Variants in CSMD2 observed in about 807,000 individuals in gnomAD.
CSMD2 encodes the protein CUB and Sushi multiple domains 2.
Under a neutral mutation model 398.5 loss-of-function variants are expected in CSMD2, and 130 were observed. That is an observed-to-expected ratio of 0.33 (90% CI 0.28 to 0.38). The LOEUF (loss-of-function observed/expected upper bound fraction) is 0.38, where lower values mean the gene tolerates loss of function less well. Ranked by LOEUF, CSMD2 falls within the 10% of genes least tolerant of loss-of-function variation. The pLI is 1.00. For synonymous variants in CSMD2, 1,828 were observed against 1,908.5 expected (o/e 0.96, Z 1.10); for missense variants, 3,829 against 4,764.9 (o/e 0.80, Z 5.78).
chr1:34,126,766 C>T (rs569795707), intron 1 of CSMD2, among the ~76,000 whole-genome samples: 12 of 148,242 alleles, frequency 8.1e-5, no homozygotes, highest in African/African-American at 2.7e-4. Flanking sequence ...AGGAAGGAAA[C>T]GGAGGCAAGG....
chr1:33,652,813 A>G (rs913809924), intron 27 of CSMD2, among the ~76,000 whole-genome samples: 2 of 152,180 alleles, frequency 1.3e-5, no homozygotes, highest in Non-Finnish European at 2.9e-5. Flanking sequence ...GGATTGCAGT[A>G]GCGCGATCTC....
chr1:33,939,766 A>C (rs1289412769), intron 3 of CSMD2, among the ~76,000 whole-genome samples: 1 of 151,872 alleles, frequency 6.6e-6, no homozygotes, highest in Admixed American at 6.6e-5. Flanking sequence ...TTCCAACCCC[A>C]CCTGCTTTTT....
chr1:33,747,699 A>T (rs1377669789), intron 13 of CSMD2, among the ~76,000 whole-genome samples: 2 of 152,220 alleles, frequency 1.3e-5, no homozygotes, highest in African/African-American at 4.8e-5. Flanking sequence ...TCTTTGGGAC[A>T]AAACACACAG....
chr1:33,790,624 C>G (rs1406123113), intron 11 of CSMD2, among the ~76,000 whole-genome samples: 4 of 152,066 alleles, frequency 2.6e-5, no homozygotes, highest in Non-Finnish European at 5.9e-5. Flanking sequence ...TGAGACAATT[C>G]TTTACAACAA....
chr1:33,624,263 G>A lies in CSMD2; in HGVS notation c.5625+256C>T, dbSNP rs537782366. ...TCAATGCCCACCTCTCCTCCTTCCTGGGTTACCCGACTCCCACCGCATGTC... is the reference window on the plus strand; with the variant it reads ...TCAATGCCCACCTCTCCTCCTTCCTAGGTTACCCGACTCCCACCGCATGTC... On this transcript the variant is annotated intron_variant, in intron 35 of 70. Transcript: ENST00000373381. This position sits in a 1 kb window ranked among gnomAD's most constrained non-coding sequence, Gnocchi z 4.7. 1.3e-5 allele frequency among the ~76,000 whole-genome samples: 2 copies of A among 152,214 alleles called. No homozygotes were observed. Among genetic ancestry groups the A allele is most frequent in the East Asian group, 3.9e-4 (2 of 5,168 alleles).
At position 34,164,966 on chromosome 1, in the gene CSMD2, C is replaced by G; in HGVS notation, c.132G>C (p.Pro44=). ...SRWGRPPPPT[P]PPLLLLLGCG... ...AGCCCAGCAACAGCAGCAGAGGCGG[C>G]GGCGTTGGCGGCGGCGGGCGGCCCC... The change falls in exon 1 of 71, where the codon CCG becomes CCC. Residue 44 remains proline (P), a synonymous_variant. Coordinates refer to ENST00000373381, the MANE Select transcript of CSMD2 (RefSeq NM_001281956.2). The surrounding 1 kb of genome is among the most constrained non-coding windows in gnomAD (Gnocchi z 6.2). 1 of 1,215,826 alleles carries G rather than the reference C, an allele frequency of 8.2e-7. No individual in the cohort carries two copies. Among genetic ancestry groups the G allele is most frequent in the Non-Finnish European group, 1.0e-6 (1 of 977,928 alleles). The allele number at this position is 1,215,826 out of a possible 1,614,324, so 75.3% of individuals were successfully genotyped here.
intron 5 of CSMD2, among the ~76,000 whole-genome samples, chr1:33,916,381 C>T (rs756710927): frequency 5.3e-5 from 8 of 152,170 alleles, no homozygotes; most frequent in Non-Finnish European, 7.3e-5. Flanking sequence ...AGTCAGTAAA[C>T]AGGTATTTTA....
chr1:33,537,893 C>T lies in CSMD2; in HGVS notation c.9632-284G>A, dbSNP rs929474959. Among the ~76,000 whole-genome samples, 2 of 152,260 alleles carry T rather than the reference C, an allele frequency of 1.3e-5. No individual in the cohort carries two copies. The highest frequency in any genetic ancestry group is 2.9e-5 in the Non-Finnish European group (2 of 68,040). Reference sequence around the variant, plus strand: ...GAAAGAGAAATAAACGAAAATCCCACTATTCAAAACTTTTTTTCCATTTTC... The same window carrying T: ...GAAAGAGAAATAAACGAAAATCCCATTATTCAAAACTTTTTTTCCATTTTC... On this transcript the variant is annotated intron_variant, in intron 60 of 70. Coordinates refer to ENST00000373381, the MANE Select transcript of CSMD2 (RefSeq NM_001281956.2). The surrounding 1 kb of genome is among the most constrained non-coding windows in gnomAD (Gnocchi z 4.6).
At chr1:33,724,905 T>G (rs1439087515) in intron 17 of CSMD2, among the ~76,000 whole-genome samples, 1 of 152,236 alleles carries the variant, frequency 6.6e-6, no homozygotes, top group Non-Finnish European at 1.5e-5. Context: ...AAAATGACCT[T>G]GTCCTCATGG....
intron 44 of CSMD2, chr1:33,591,928 A>C (rs1287871264): frequency 5.9e-6 from 1 of 169,664 alleles, no homozygotes. Context: ...CTAATCTCTT[A>C]CTATTTTTAC....
chr1:33,576,449 G>C (rs1008451393), intron 49 of CSMD2, among the ~76,000 whole-genome samples: 1 of 152,144 alleles, frequency 6.6e-6, no homozygotes, highest in Non-Finnish European at 1.5e-5. Flanking sequence ...AAATTAGCCA[G>C]GCATGGTGGC....
At chr1:33,963,478 T>C (rs1191856276) in intron 3 of CSMD2, among the ~76,000 whole-genome samples, 1 of 152,220 alleles carries the variant, frequency 6.6e-6, no homozygotes, top group East Asian at 1.9e-4. Context: ...ATACTCCTCT[T>C]AAACCATCAC....
intron 23 of CSMD2, 120 bp from the exon 24 acceptor site, chr1:33,699,064 G>C (rs1645519913): frequency 1.5e-5 from 11 of 739,718 alleles, no homozygotes; most frequent in Non-Finnish European, 1.9e-5. Flanking sequence ...CCTGGGTTCT[G>C]ATGGATTCAC....
intron 5 of CSMD2, among the ~76,000 whole-genome samples, chr1:33,917,739 A>G (rs775396094): frequency 2.0e-5 from 3 of 152,204 alleles, no homozygotes; most frequent in Non-Finnish European, 2.9e-5. Flanking sequence ...GATGCTATGC[A>G]TATGTCTTCC....
At chr1:33,887,917 C>G (rs1395431172) in intron 5 of CSMD2, among the ~76,000 whole-genome samples, 1 of 151,988 alleles carries the variant, frequency 6.6e-6, no homozygotes, top group Non-Finnish European at 1.5e-5. Flanking sequence ...AGTAAGATGG[C>G]TGGTTACAGA....
intron 47 of CSMD2, among the ~76,000 whole-genome samples, chr1:33,582,980 C>T (rs538024078): frequency 1.1e-4 from 16 of 152,302 alleles, no homozygotes; most frequent in African/African-American, 3.9e-4. Context: ...TGGTTTCCCC[C>T]AGAGCTATGT....
At chr1:33,593,916 G>T (rs1175273514) in intron 44 of CSMD2, among the ~76,000 whole-genome samples, 1 of 152,044 alleles carries the variant, frequency 6.6e-6, no homozygotes, top group Non-Finnish European at 1.5e-5. Flanking sequence ...AGTGACTAAA[G>T]TATATGTTCA....
At chr1:34,161,274 T>C (rs1641304886) in intron 1 of CSMD2, among the ~76,000 whole-genome samples, 1 of 152,204 alleles carries the variant, frequency 6.6e-6, no homozygotes, top group Non-Finnish European at 1.5e-5. Context: ...ATGGGTTACC[T>C]AGACCCAGAA....
intron 41 of CSMD2, among the ~76,000 whole-genome samples, chr1:33,610,129 T>C (rs1640895692): frequency 1.3e-5 from 2 of 152,116 alleles, no homozygotes; most frequent in South Asian, 4.1e-4. Flanking sequence ...CTGTGAGAAA[T>C]AAATTTCTGC....
Sources: allele counts gnomAD v4.1 joint callset (sites outside exome capture counted in the v4.1 genomes callset), GRCh38; gene constraint gnomAD v4.1.1; non-coding constraint Gnocchi (gnomAD v3.1); transcripts MANE v1.5; gene names NCBI Gene and HGNC (gene_info 2026-07-23, HGNC 2026-07-21).